The following BRWD3 variants were observed in gnomAD, a reference collection of about 807,000 sequenced individuals.
BRWD3 encodes the protein bromodomain and WD repeat domain containing 3.
A neutral mutation model predicts 149.7 loss-of-function variants in BRWD3; 10 were observed. The observed-to-expected ratio is 0.07, with a 90% confidence interval of 0.04 to 0.11. The LOEUF (loss-of-function observed/expected upper bound fraction) is 0.11, where lower values mean the gene tolerates loss of function less well. Ranked by LOEUF, BRWD3 falls within the 10% of genes least tolerant of loss-of-function variation. The pLI is 1.00. For missense variants in BRWD3, 940 were observed against 1,373.2 expected (o/e 0.68, Z 4.99); for synonymous variants, 504 against 456.7 (o/e 1.10, Z -1.32).
rs2072815266 is a variant in BRWD3, at chrX:80,703,227, C to T, written c.2835+253G>A. On this transcript the variant is annotated intron_variant, in intron 24 of 40. Coordinates refer to ENST00000373275, the MANE Select transcript of BRWD3 (RefSeq NM_153252.5). The stretch of plus-strand genomic sequence containing the variant: ...AAAATAAAGCCAATTATTTTTATGA[C>T]TTCACAAGCTGATTAATTTATCTCA... Among the ~76,000 whole-genome samples, 4 of 110,772 alleles carry T rather than the reference C, an allele frequency of 3.6e-5. No homozygotes were observed. In the South Asian group the frequency reaches 1.5e-3, roughly 42 times the overall value.
chrX:80,688,649 T>C (rs1367869107), intron 33 of BRWD3, among the ~76,000 whole-genome samples: 1 of 110,756 alleles, frequency 9.0e-6, no homozygotes, highest in East Asian at 2.8e-4. Flanking sequence ...GGGTAATATG[T>C]AGTAGAAAAT....
At chrX:80,730,447 A>AAGAAAGACAGAC (rs1555972947) in intron 12 of BRWD3, among the ~76,000 whole-genome samples, 1 of 108,551 alleles carries the variant, frequency 9.2e-6, no homozygotes, top group Non-Finnish European at 1.9e-5. Context: ...GAAAGAAAGA[A>AAGAAAGACAGAC]AGACACAGTT....
intron 18 of BRWD3, among the ~76,000 whole-genome samples, chrX:80,719,106 C>T (rs1311286166): frequency 1.8e-5 from 2 of 109,435 alleles, no homozygotes; most frequent in Admixed American, 2.0e-4. Flanking sequence ...CTGCTTTCCT[C>T]TCCACAAAAG....
chrX:80,794,923 T>G (rs2074221399), intron 4 of BRWD3, among the ~76,000 whole-genome samples: 1 of 111,589 alleles, frequency 9.0e-6, no homozygotes, highest in Admixed American at 9.6e-5. Context: ...AGGTATTACT[T>G]GCACCAAACC....
intron 20 of BRWD3, among the ~76,000 whole-genome samples, chrX:80,713,480 T>A (rs1436639486): frequency 9.1e-6 from 1 of 110,405 alleles, no homozygotes; most frequent in Admixed American, 9.5e-5. Context: ...GTTAAACAGA[T>A]GCTTGAAGGC....
intron 6 of BRWD3, chrX:80,746,909 A>G: frequency 1.5e-6 from 1 of 662,175 alleles, no homozygotes; most frequent in Non-Finnish European, 1.8e-6. Context: ...TGAATAATGA[A>G]TAGCAAAATC....
At chrX:80,790,786 A>C (rs2074173059) in intron 6 of BRWD3, among the ~76,000 whole-genome samples, 1 of 112,012 alleles carries the variant, frequency 8.9e-6, no homozygotes, top group Non-Finnish European at 1.9e-5. Context: ...GTATTTTGAA[A>C]ATAAGTAAAT....
intron 6 of BRWD3, among the ~76,000 whole-genome samples, chrX:80,757,450 T>G: frequency 8.9e-6 from 1 of 112,534 alleles, no homozygotes; most frequent in Middle Eastern, 4.7e-3. Flanking sequence ...CAACTAACTA[T>G]AGTTTTTTCT....
chrX:80,799,088 G>A (rs2074268180), intron 4 of BRWD3, among the ~76,000 whole-genome samples: 1 of 112,215 alleles, frequency 8.9e-6, no homozygotes, highest in East Asian at 2.8e-4. Flanking sequence ...TAAACTGAAA[G>A]ACATTAAATT....
chrX:80,741,051 C>T (rs1241331553), intron 8 of BRWD3, among the ~76,000 whole-genome samples: 1 of 110,639 alleles, frequency 9.0e-6, no homozygotes, highest in Non-Finnish European at 1.9e-5. Context: ...CTACTGCTAT[C>T]CATCCCCCCT....
chrX:80,719,021 G>A (rs1004176374), intron 18 of BRWD3, among the ~76,000 whole-genome samples: 5 of 107,520 alleles, frequency 4.7e-5, no homozygotes, highest in African/African-American at 1.0e-4. Context: ...TTCAGAAGCT[G>A]TATCTGTATT....
rs763169324 is a variant in BRWD3, at chrX:80,728,294, A to C, written c.1386+458T>G. Among the ~76,000 whole-genome samples the C allele has an allele frequency of 2.1e-4, 24 of 111,923 alleles. 1 individual carries two copies. Among genetic ancestry groups the C allele is most frequent in the African/African-American group, 7.4e-4 (23 of 30,901 alleles). On this transcript the variant is annotated intron_variant, in intron 14 of 40. Transcript: ENST00000373275. ...ATCCTTTCAACTTTTTACATAACAA[A>C]TACTACAGCCTCTTACAATGACAAA... is the stretch of plus-strand genomic sequence containing the variant.
rs778288469 is a variant in BRWD3, at chrX:80,712,329, T to C, written c.2326-2752A>G. On this transcript the variant is annotated intron_variant, in intron 20 of 40. Transcript: ENST00000373275. ...ACACCTGACTGGTTTTCGTATTTTT[T>C]TGGTGGAGACGGGGTTTCGCTGTGT... is the stretch of plus-strand genomic sequence containing the variant. 7.0e-3 allele frequency among the ~76,000 whole-genome samples: 772 copies of C among 110,810 alleles called. 6 individuals are homozygous for C. Among genetic ancestry groups the C allele is most frequent in the African/African-American group, 0.024 (739 of 30,379 alleles).
chrX:80,733,129 CA>C (rs199514397), intron 12 of BRWD3: 14,636 of 77,554 alleles, frequency 0.19, 575 homozygotes, highest in South Asian at 0.38. Flanking sequence ...GACACCGTCT[CA>C]AAAAAAAAAA....
rs180963828 is a variant in BRWD3 at position 80,699,736 on chromosome X, G to A, written c.2943+221C>T. 1.5e-4 allele frequency among the ~76,000 whole-genome samples: 17 copies of A among 111,644 alleles called. No individual in the cohort carries two copies. In the South Asian group the frequency reaches 2.6e-3, roughly 17 times the overall value. On this transcript the variant is annotated intron_variant, in intron 25 of 40. Coordinates refer to ENST00000373275, the MANE Select transcript of BRWD3 (RefSeq NM_153252.5). Reference sequence around the variant, plus strand: ...GAACTCCTGCTTTGCTCTAATTATGGACTAGTATAGACTAGACAATAGAAA... The same window carrying A: ...GAACTCCTGCTTTGCTCTAATTATGAACTAGTATAGACTAGACAATAGAAA...
In BRWD3 at chrX:80,677,327, C is replaced by A; in HGVS notation, c.4691G>T (p.Gly1564Val). Residue 1564 changes from glycine (G) to valine (V), a missense_variant, in exon 41 of 41, where the codon GGC becomes GTC. By Grantham distance (109) the Gly-to-Val change is moderately radical. Around this residue, in one of 6 missense-constraint regions of BRWD3, gnomAD observed 349 missense variants for 419.6 expected, o/e 0.83. Transcript: ENST00000373275. ...CTTGATTCCTGTCCGGGGCTCTCTG[C>A]CATCACCATTTGTAAGGGGTCCATC... is the stretch of plus-strand genomic sequence containing the variant. The part of the protein sequence containing the change: ...SLDGPLTNGD[G>V]REPRTGIKRK... 8.3e-7 allele frequency: 1 copy of A among 1,206,452 alleles called. No homozygotes were observed. Among genetic ancestry groups the A allele is most frequent in the Non-Finnish European group, 1.1e-6 (1 of 893,215 alleles).
At chrX:80,726,667 AAATAG>A (rs934493141) in intron 14 of BRWD3, among the ~76,000 whole-genome samples, 18 of 110,899 alleles carry the variant, frequency 1.6e-4, no homozygotes, top group African/African-American at 5.9e-4. Flanking sequence ...CTATTAAAAA[AAATAG>A]AATAGAGTAT....
At chrX:80,768,620 A>G (rs2073895101) in intron 6 of BRWD3, among the ~76,000 whole-genome samples, 1 of 111,896 alleles carries the variant, frequency 8.9e-6, no homozygotes, top group Non-Finnish European at 1.9e-5. Flanking sequence ...CAGCCACTGC[A>G]AAAACATACC....
intron 34 of BRWD3, among the ~76,000 whole-genome samples, chrX:80,687,322 G>T (rs2147685110): frequency 9.0e-6 from 1 of 111,060 alleles, no homozygotes; most frequent in East Asian, 2.8e-4. Context: ...CTTAATATTT[G>T]CCGGTAGTTA....
Sources: allele counts gnomAD v4.1 joint callset (sites outside exome capture counted in the v4.1 genomes callset), GRCh38; gene constraint gnomAD v4.1.1; regional missense constraint gnomAD v4.1.1; transcripts MANE v1.5; gene names NCBI Gene and HGNC (gene_info 2026-07-23, HGNC 2026-07-21).